The following ZNF470 variants were observed in gnomAD, a reference collection of about 807,000 sequenced individuals.
ZNF470 encodes zinc finger protein 470.
In ZNF470, 13 loss-of-function variants were observed where a neutral mutation model predicts 13.9. The observed-to-expected ratio is 0.94, with a 90% CI of 0.61 to 1.49. The LOEUF is 1.49. ZNF470 is among the 40% of genes most tolerant of loss of function. The pLI, the probability that ZNF470 is intolerant of heterozygous loss-of-function variation, is 0.00. For missense variants in ZNF470, 929 were observed against 857.3 expected, an observed-to-expected ratio of 1.08 and a Z score of -1.04; for synonymous variants, 293 against 282.9, an observed-to-expected ratio of 1.04 and a Z score of -0.36.
rs61266943 is a variant in ZNF470 at position 56,568,449 on chromosome 19, C to G, written c.-158-309C>G. On this transcript the variant is annotated intron_variant, in intron 1 of 5. Transcript: ENST00000330619. Reference sequence around the variant, plus strand: ...AAGAAGGCGAGATTCACAGCTTCACCCAGAAATGCCGAGGCATTCCAGCCT... The same window carrying G: ...AAGAAGGCGAGATTCACAGCTTCACGCAGAAATGCCGAGGCATTCCAGCCT... 8.0e-3 allele frequency among the ~76,000 whole-genome samples: 1,224 copies of G among 152,248 alleles called. 29 individuals carry two copies. Among genetic ancestry groups the G allele is most frequent in the South Asian group, 0.069 (333 of 4,810 alleles).
intron 5 of ZNF470, among the ~76,000 whole-genome samples, chr19:56,575,928 A>G (rs1266407920): frequency 2.0e-5 from 3 of 152,212 alleles, no homozygotes; most frequent in African/African-American, 7.2e-5. Context: ...GATAAGTTAT[A>G]TGTAGTGATT....
chr19:56,574,734 G>A lies in ZNF470; in HGVS notation c.283+1G>A, dbSNP rs1287100846. ...GGGATGAACAGAGGCCTGTGCCCAGGTAAGTGGAGGATACCTAGAGATAAA... is the reference window on the plus strand; with the variant it reads ...GGGATGAACAGAGGCCTGTGCCCAGATAAGTGGAGGATACCTAGAGATAAA... On this transcript the variant is annotated splice_donor_variant, in intron 5 of 5. Transcript: ENST00000330619. LOFTEE classifies it high-confidence loss of function. 1 of 1,611,738 alleles carries A rather than the reference G, an allele frequency of 6.2e-7. No homozygotes were observed.
chr19:56,578,253 G>C lies in ZNF470; in HGVS notation c.1824G>C (p.Leu608Phe), dbSNP rs370666760. The change falls in exon 6 of 6, where the codon TTG (leucine) becomes TTC (phenylalanine). Residue 608 changes from leucine to phenylalanine, a missense_variant. By Grantham distance (22) the Leu-to-Phe change is conservative. Coordinates refer to ENST00000330619, the MANE Select transcript of ZNF470 (RefSeq NM_001001668.4). The part of the protein sequence containing the change: ...CGKAFRQRAS[L>F]ICHQRCHTGE... ...AGGCATTCAGGCAGAGGGCATCCTTGATTTGTCATCAGAGATGTCATACTG... is the reference window on the plus strand; with the variant it reads ...AGGCATTCAGGCAGAGGGCATCCTTCATTTGTCATCAGAGATGTCATACTG... 6.8e-6 allele frequency: 11 copies of C among 1,613,530 alleles called. No homozygotes were observed. In the Admixed American group the frequency reaches 1.7e-4, roughly 24 times the overall value.
Position 56,581,089 on chromosome 19 carries a change from A to AAT in ZNF470, c.*2507_*2508insTA. On this transcript the variant is annotated 3_prime_UTR_variant, in exon 6 of 6. Transcript: ENST00000330619. ...GTGGAAAACATCATAGTCAATAGAT[A>AAT]AATGAGAGACTGACACAAAGTGTTT... 1.0e-6 allele frequency: 1 copy of AAT among 982,046 alleles called. No individual in the cohort carries two copies. Among genetic ancestry groups the AAT allele is most frequent in the Non-Finnish European group, 1.2e-6 (1 of 826,848 alleles). The allele number at this position is 982,046 out of a possible 1,614,324, so 60.8% of individuals were successfully genotyped here.
rs58632547 is a variant in ZNF470, at chr19:56,571,614, CT to C, written c.60+1255del. Among the ~76,000 whole-genome samples the C allele has an allele frequency of 1.4e-3, 200 of 142,610 alleles. 1 individual carries two copies. Among genetic ancestry groups the C allele is most frequent in the Admixed American group, 1.6e-3 (23 of 14,268 alleles). The allele number at this position is 142,610 out of a possible 152,430, so 93.6% of individuals were successfully genotyped here. On this transcript the variant is annotated intron_variant, in intron 3 of 5. Coordinates refer to ENST00000330619, the MANE Select transcript of ZNF470 (RefSeq NM_001001668.4). ...GTTAAGTTTTCTTTTTGTTTTTTGT[CT>C]TTTTTTTTTTTGAGATGGAGTCTCA... is the stretch of plus-strand genomic sequence containing the variant.
At position 56,579,427 on chromosome 19, in the gene ZNF470, AAAAC is replaced by A. The variant is rs2044518854; in HGVS notation, c.*848_*851del. ...GCAGAGCCAGACACTGTCTCAAGGA[AAAAC>A]AAAGAACAAAAGCATTTGGTAGAAT... On this transcript the variant is annotated 3_prime_UTR_variant, in exon 6 of 6. Coordinates refer to ENST00000330619, the MANE Select transcript of ZNF470 (RefSeq NM_001001668.4). The A allele has an allele frequency of 1.0e-6, 1 of 985,286 alleles. No homozygotes were observed. The highest frequency in any genetic ancestry group is 1.2e-6 in the Non-Finnish European group (1 of 829,788). 61.0% of individuals were successfully genotyped at this position (985,286 alleles called of 1,614,324 possible).
At chr19:56,576,277 A>G (rs1037877286) in intron 5 of ZNF470, among the ~76,000 whole-genome samples, 3 of 152,178 alleles carry the variant, frequency 2.0e-5, no homozygotes, top group African/African-American at 7.2e-5. Flanking sequence ...AATGTTGTAT[A>G]GGAACTGCCT....
rs922939515 is a variant in ZNF470, at chr19:56,567,760, C to G, written c.-437C>G. 2.0e-6 allele frequency: 2 copies of G among 987,296 alleles called. No individual in the cohort carries two copies. Among genetic ancestry groups the G allele is most frequent in the African/African-American group, 1.7e-5 (1 of 57,384 alleles). The allele number at this position is 987,296 out of a possible 1,614,324, so 61.2% of individuals were successfully genotyped here. ...CGAATCTGCGCCTGCGTGCATGGCC[C>G]GGCGGCGTGCGGAAGGCGGTGTGTG... On this transcript the variant is annotated 5_prime_UTR_variant, in exon 1 of 6. Transcript: ENST00000330619.
At position 56,577,574 on chromosome 19, in the gene ZNF470, C is replaced by A; in HGVS notation, c.1145C>A (p.Ser382Tyr). Residue 382 changes from serine (S) to tyrosine (Y), a missense_variant, in exon 6 of 6, where the codon TCT becomes TAT. By Grantham distance (144) the Ser-to-Tyr change is moderately radical. Coordinates refer to ENST00000330619, the MANE Select transcript of ZNF470 (RefSeq NM_001001668.4). ...DCGKAFRQNA[S>Y]LIRHRRYYHT... ...GGGAAAGCTTTCAGGCAGAATGCTT[C>A]TCTTATACGTCATCGGCGATATTAT... The A allele has an allele frequency of 1.2e-6, 2 of 1,614,072 alleles. No individual in the cohort carries two copies. The highest frequency in any genetic ancestry group is 1.7e-6 in the Non-Finnish European group (2 of 1,180,012).
chr19:56,578,476 G>A lies in ZNF470; in HGVS notation c.2047G>A (p.Gly683Arg). The change falls in exon 6 of 6, where the codon GGA becomes AGA. Residue 683 changes from glycine to arginine, a missense_variant. Transcript: ENST00000330619. Reference protein sequence around the residue: ...GERPYECKECGKAFRQSVHLA... With the variant: ...GERPYECKECRKAFRQSVHLA... ...AAGGCCCTATGAGTGTAAAGAATGT[G>A]GAAAAGCCTTCAGGCAGAGTGTACA... 1 of 1,612,292 alleles carries A rather than the reference G, an allele frequency of 6.2e-7. No homozygotes were observed. Among genetic ancestry groups the A allele is most frequent in the Non-Finnish European group, 8.5e-7 (1 of 1,179,094 alleles).
At position 56,568,010 on chromosome 19, in the gene ZNF470, AG is replaced by A; in HGVS notation, c.-186del. ...GCTCCATGTCCACAGGACGGCGAGG[AG>A]CGAAGACCATGGGGACTGAGTACAC... On this transcript the variant is annotated 5_prime_UTR_variant, in exon 1 of 6. The change abolishes the stop of an existing upstream ORF in the 5' untranslated region. Coordinates refer to ENST00000330619, the MANE Select transcript of ZNF470 (RefSeq NM_001001668.4). 2 of 985,580 alleles carry A rather than the reference AG, an allele frequency of 2.0e-6. No homozygotes were observed. The highest frequency in any genetic ancestry group is 2.4e-6 in the Non-Finnish European group (2 of 830,048). The allele number at this position is 985,580 out of a possible 1,614,324, so 61.1% of individuals were successfully genotyped here. A position where few individuals can be genotyped will look rare whatever the true frequency, so the allele number is the denominator to read the frequency against.
In ZNF470 at chr19:56,579,202, G is replaced by T; in HGVS notation, c.*619G>T. On this transcript the variant is annotated 3_prime_UTR_variant, in exon 6 of 6. Coordinates refer to ENST00000330619, the MANE Select transcript of ZNF470 (RefSeq NM_001001668.4). ...TTTGGGAGGCTGAGGCAGGCAGATT[G>T]CTTGAGCTCAGGAGTTCGAGACCAA... is the stretch of plus-strand genomic sequence containing the variant. 1.0e-6 allele frequency: 1 copy of T among 954,690 alleles called. No individual in the cohort carries two copies. The highest frequency in any genetic ancestry group is 1.2e-6 in the Non-Finnish European group (1 of 802,044). 59.1% of individuals were successfully genotyped at this position (954,690 alleles called of 1,614,324 possible). A position where few individuals can be genotyped will look rare whatever the true frequency, so the allele number is the denominator to read the frequency against.
In ZNF470 at chr19:56,574,668, C is replaced by A. The variant is rs2044477138; in HGVS notation, c.218C>A (p.Ser73Tyr). 1 of 1,613,806 alleles carries A rather than the reference C, an allele frequency of 6.2e-7. No individual in the cohort carries two copies. The highest frequency in any genetic ancestry group is 1.1e-5 in the South Asian group (1 of 91,074). The change falls in exon 5 of 6, where the codon TCC (serine) becomes TAC (tyrosine). Residue 73 changes from serine to tyrosine, a missense_variant. By Grantham distance (144) the Ser-to-Tyr change is moderately radical (BLOSUM62 -2). Coordinates refer to ENST00000330619, the MANE Select transcript of ZNF470 (RefSeq NM_001001668.4). ...TGCATTTCTAAACCAGATGTGATCT[C>A]CTTACTGGAGCAAGAGAAAGACCCT... ...GLCISKPDVI[S>Y]LLEQEKDPWV... is the part of the protein sequence containing the mutation.
Position 56,582,299 on chromosome 19 carries a change from G to A in ZNF470, c.*3716G>A, listed in dbSNP as rs1486793249. 2.0e-6 allele frequency: 2 copies of A among 985,086 alleles called. No homozygotes were observed. Among genetic ancestry groups the A allele is most frequent in the East Asian group, 1.1e-4 (1 of 8,810 alleles). 61.0% of individuals were successfully genotyped at this position (985,086 alleles called of 1,614,324 possible). Reference sequence around the variant, plus strand: ...TGTAATACTGGTATCTAACTGCTTGGAATAACTTAAAGTTTAGCTCTTGAA... The same window carrying A: ...TGTAATACTGGTATCTAACTGCTTGAAATAACTTAAAGTTTAGCTCTTGAA... On this transcript the variant is annotated 3_prime_UTR_variant, in exon 6 of 6. Transcript: ENST00000330619.
chr19:56,576,662 A>G, intron 5 of ZNF470, 51 bp from the exon 6 acceptor site: 1 of 1,344,548 alleles, frequency 7.4e-7, no homozygotes, highest in Non-Finnish European at 9.7e-7. Flanking sequence ...CGAAATTTCC[A>G]TTATTCTAGC....
rs957465216 is a variant in ZNF470 at position 56,577,739 on chromosome 19, G to T, written c.1310G>T (p.Gly437Val). 1.2e-6 allele frequency: 2 copies of T among 1,613,686 alleles called. No individual in the cohort carries two copies. The highest frequency in any genetic ancestry group is 1.7e-6 in the Non-Finnish European group (2 of 1,179,818). Reference protein sequence around the residue: ...CNVCGKAFSHGSSLTVHQRIH... With the variant: ...CNVCGKAFSHVSSLTVHQRIH... ...GTGTGTGGGAAGGCTTTTAGCCATG[G>T]CTCATCTCTGACAGTACATCAGAGA... is the stretch of plus-strand genomic sequence containing the variant. The change falls in exon 6 of 6, where the codon GGC becomes GTC. Residue 437 changes from glycine to valine, a missense_variant. Coordinates refer to ENST00000330619, the MANE Select transcript of ZNF470 (RefSeq NM_001001668.4).
chr19:56,577,277 C>G lies in ZNF470; in HGVS notation c.848C>G (p.Pro283Arg). The G allele has an allele frequency of 6.2e-7, 1 of 1,613,138 alleles. No homozygotes were observed. Among genetic ancestry groups the G allele is most frequent in the South Asian group, 1.1e-5 (1 of 91,000 alleles). ...CAGAGAATACACACAGGAGAAAAAC[C>G]TTTTGAATGTACTGAATGTGGGAAA... ...QHQRIHTGEK[P>R]FECTECGKAF... Residue 283 changes from proline (P) to arginine (R), a missense_variant, in exon 6 of 6, where the codon CCT becomes CGT. Pro to Arg is a moderately radical substitution (Grantham distance 103). Coordinates refer to ENST00000330619, the MANE Select transcript of ZNF470 (RefSeq NM_001001668.4).
chr19:56,569,212 C>T (rs1245429069), intron 2 of ZNF470, among the ~76,000 whole-genome samples: 1 of 152,144 alleles, frequency 6.6e-6, no homozygotes, highest in African/African-American at 2.4e-5. Context: ...ATACTTTATC[C>T]TCTTCCTTCC....
rs779193553 is a variant in ZNF470, at chr19:56,577,063, CAT to C, written c.635_636del (p.His212LeufsTer19). 5 of 1,591,274 alleles carry C rather than the reference CAT, an allele frequency of 3.1e-6. 1 individual carries two copies. In the South Asian group the frequency reaches 5.7e-5, roughly 18 times the overall value. On this transcript the variant is annotated frameshift_variant, in exon 6 of 6. Coordinates refer to ENST00000330619, the MANE Select transcript of ZNF470 (RefSeq NM_001001668.4). LOFTEE classifies it low-confidence loss of function (END_TRUNC). The stretch of plus-strand genomic sequence containing the variant: ...TACAGATAAGAAAAGCTTAAAAACA[CAT>C]TCAGTTGTGAAAAAACACAAGCAAG... ...FHTDKKSLKT[H>X]SVVKKHKQDR...
Sources: allele counts gnomAD v4.1 joint callset (sites outside exome capture counted in the v4.1 genomes callset), GRCh38; gene constraint gnomAD v4.1.1; transcripts MANE v1.5; gene names NCBI Gene and HGNC (gene_info 2026-07-23, HGNC 2026-07-21).